Variants in PHF14 observed in about 807,000 individuals in gnomAD.
PHF14 encodes PHD finger protein 14.
PHF14 carries 55 observed loss-of-function variants against 117.9 expected under a neutral mutation model. The observed-to-expected ratio is 0.47, with a 90% CI of 0.38 to 0.58. PHF14 has a LOEUF of 0.58. PHF14 is among the 20% of genes least tolerant of loss of function. The probability of loss-of-function intolerance (pLI) is 0.00; values close to 1 mark genes in which losing one functional copy is unlikely to be tolerated. For missense variants in PHF14, 978 were observed against 1,122.2 expected (o/e 0.87, Z 1.84); for synonymous variants, 409 against 368.6 (o/e 1.11, Z -1.26).
intron 16 of PHF14, among the ~76,000 whole-genome samples, chr7:11,089,428 T>TA (rs1350407112): frequency 6.6e-6 from 1 of 152,126 alleles, no homozygotes; most frequent in African/African-American, 2.4e-5. Context: ...TGGTGGCTCA[T>TA]ACCTGTAATC....
At chr7:11,106,621 A>G (rs1030179106) in intron 16 of PHF14, 1 of 982,928 alleles carries the variant, frequency 1.0e-6, no homozygotes, top group Non-Finnish European at 1.2e-6. Context: ...TGTTTAATCA[A>G]AATAATTGGC....
At chr7:11,134,417 A>G (rs529850145) in intron 17 of PHF14, among the ~76,000 whole-genome samples, 8 of 152,170 alleles carry the variant, frequency 5.3e-5, no homozygotes, top group East Asian at 3.9e-4. Context: ...TAATTTAAAG[A>G]TTTCATGGAG....
rs143357356 is a variant in PHF14 at position 11,007,339 on chromosome 7, C to G, written c.1046-6408C>G. On this transcript the variant is annotated intron_variant, in intron 4 of 17. Coordinates refer to ENST00000634607, the MANE Select transcript of PHF14 (RefSeq NM_001007157.2). ...TCCTTGCAAATGTTTTTTATGTTTTCCATCCTGTTCTGTATCCTTTAACTT... is the reference window on the plus strand; with the variant it reads ...TCCTTGCAAATGTTTTTTATGTTTTGCATCCTGTTCTGTATCCTTTAACTT... Among the ~76,000 whole-genome samples the G allele has an allele frequency of 3.5e-4, 53 of 151,674 alleles. No homozygotes were observed. In the East Asian group the frequency reaches 9.9e-3, roughly 28 times the overall value.
rs188035260 is a variant in PHF14, at chr7:11,040,623, T to C, written c.2077-49T>C. ...GTGGCAATTAGAGGAAAATGTTGCT[T>C]TTATTTCTTTCTTAAAACAATATAT... On this transcript the variant is annotated intron_variant, in intron 11 of 17. Transcript: ENST00000634607. The C allele has an allele frequency of 1.2e-4, 126 of 1,014,508 alleles. 1 individual carries two copies. The East Asian group carries it at 3.6e-3, about 29-fold the overall frequency. 62.8% of individuals were successfully genotyped at this position (1,014,508 alleles called of 1,614,324 possible).
At chr7:10,993,348 G>T (rs527349865) in intron 4 of PHF14, among the ~76,000 whole-genome samples, 9 of 152,138 alleles carry the variant, frequency 5.9e-5, no homozygotes, top group Non-Finnish European at 1.0e-4. Flanking sequence ...TGCTGGACTT[G>T]TGGGACTTTG....
At chr7:11,102,767 CT>C in intron 16 of PHF14, 10 of 1,379,552 alleles carry the variant, frequency 7.2e-6, no homozygotes, top group South Asian at 3.5e-5. Context: ...CTTCTTTTTG[CT>C]TTTTTTGCAC....
intron 16 of PHF14, among the ~76,000 whole-genome samples, chr7:11,064,367 T>C (rs1283756708): frequency 6.6e-6 from 1 of 151,976 alleles, no homozygotes; most frequent in African/African-American, 2.4e-5. Flanking sequence ...TACATGCTAT[T>C]TTTTTAACTT....
At chr7:11,011,365 A>G (rs1249147962) in intron 4 of PHF14, among the ~76,000 whole-genome samples, 2 of 152,208 alleles carry the variant, frequency 1.3e-5, no homozygotes, top group Non-Finnish European at 2.9e-5. Context: ...AGTGTTTACC[A>G]GTTCAAATAA....
At chr7:11,127,577 T>C (rs1188997713) in intron 17 of PHF14, among the ~76,000 whole-genome samples, 1 of 152,094 alleles carries the variant, frequency 6.6e-6, no homozygotes, top group Non-Finnish European at 1.5e-5. Context: ...CTAGTCCTTG[T>C]CCTCCAAACT....
chr7:11,031,183 A>G (rs1000509315), intron 7 of PHF14, among the ~76,000 whole-genome samples: 6 of 151,834 alleles, frequency 4.0e-5, no homozygotes, highest in African/African-American at 1.2e-4. Context: ...GTGGTTTTAT[A>G]TAGGCTGTTA....
chr7:11,139,595 G>C (rs1432244456), intron 17 of PHF14, among the ~76,000 whole-genome samples: 2 of 152,140 alleles, frequency 1.3e-5, no homozygotes, highest in Non-Finnish European at 2.9e-5. Context: ...ATTTTACCAA[G>C]TTGTACTATA....
In PHF14 at chr7:11,106,763, T is replaced by G. The variant is rs115827670; in HGVS notation, c.2655-4587T>G. ...TTTTTGAACATTCTTGTGATGGAAT[T>G]TTTACACAGAAATGAAAAAGTTGGA... is the stretch of plus-strand genomic sequence containing the variant. On this transcript the variant is annotated intron_variant, in intron 16 of 17. Coordinates refer to ENST00000634607, the MANE Select transcript of PHF14 (RefSeq NM_001007157.2). The G allele has an allele frequency of 2.2e-3, 2,175 of 984,298 alleles. 36 individuals are homozygous for G. The African/African-American group carries it at 0.036, about 16-fold the overall frequency. 61.0% of individuals were successfully genotyped at this position (984,298 alleles called of 1,614,324 possible). A position where few individuals can be genotyped will look rare whatever the true frequency, so the allele number is the denominator to read the frequency against.
chr7:11,026,070 C>T (rs1783898745), intron 6 of PHF14, among the ~76,000 whole-genome samples: 1 of 149,362 alleles, frequency 6.7e-6, no homozygotes, highest in Non-Finnish European at 1.5e-5. Context: ...CGAGATTGCA[C>T]CACTGCACTC....
At chr7:11,053,793 A>G (rs1784924763) in intron 14 of PHF14, among the ~76,000 whole-genome samples, 1 of 151,866 alleles carries the variant, frequency 6.6e-6, no homozygotes, top group Non-Finnish European at 1.5e-5. Context: ...TCTCACCTTT[A>G]CTGGTCTGCT....
chr7:11,141,588 T>A (rs942799905), intron 17 of PHF14, among the ~76,000 whole-genome samples: 1 of 152,114 alleles, frequency 6.6e-6, no homozygotes, highest in Admixed American at 6.6e-5. Flanking sequence ...CCTGGCATTG[T>A]GTTATATAAT....
At chr7:10,979,065 T>G (rs1014260688) in intron 2 of PHF14, among the ~76,000 whole-genome samples, 1 of 152,156 alleles carries the variant, frequency 6.6e-6, no homozygotes, top group Admixed American at 6.5e-5. Context: ...ATTGATGAAA[T>G]TGATGAACAA....
At chr7:11,053,629 A>G (rs1784918977) in intron 14 of PHF14, among the ~76,000 whole-genome samples, 1 of 152,054 alleles carries the variant, frequency 6.6e-6, no homozygotes, top group Non-Finnish European at 1.5e-5. Context: ...TTATTGTTTC[A>G]AGAAAGCCTT....
intron 17 of PHF14, among the ~76,000 whole-genome samples, chr7:11,140,612 T>C (rs2128350886): frequency 6.6e-6 from 1 of 152,256 alleles, no homozygotes; most frequent in African/African-American, 2.4e-5. Context: ...GTTTTTCTTA[T>C]ACAAAGAAAT....
At chr7:11,167,288 G>C (rs142574463) in intron 17 of PHF14, among the ~76,000 whole-genome samples, 3 of 152,256 alleles carry the variant, frequency 2.0e-5, no homozygotes, top group Non-Finnish European at 2.9e-5. Context: ...GTATGAGCTT[G>C]ATAATGGCTG....
Sources: gnomAD v4.1 joint callset for allele counts (sites outside exome capture counted in the v4.1 genomes callset) on GRCh38, gnomAD v4.1.1 for gene constraint, MANE v1.5 for transcripts, NCBI Gene and HGNC (gene_info 2026-07-23, HGNC 2026-07-21) for gene names.